Variants in STK32B observed in about 807,000 individuals in gnomAD.
STK32B encodes the protein serine/threonine kinase 32B.
STK32B carries 43 observed loss-of-function variants against 52.6 expected under a neutral mutation model. The ratio of observed to expected loss-of-function variants is 0.82; its 90% CI spans 0.64 to 1.05. The LOEUF (loss-of-function observed/expected upper bound fraction) is 1.05. Among genes scored for constraint, STK32B ranks in the 50% least tolerant of loss-of-function variants. STK32B has a pLI of 0.00. For synonymous variants in STK32B, 238 were observed against 204.3 expected (o/e 1.17, Z -1.41); for missense variants, 621 against 534.6 (o/e 1.16, Z -1.59).
At chr4:5,252,503 AGAT>A (rs1275369576) in intron 3 of STK32B, among the ~76,000 whole-genome samples, 2 of 152,218 alleles carry the variant, frequency 1.3e-5, no homozygotes, top group Non-Finnish European at 2.9e-5. Flanking sequence ...CTGGGAAGGC[AGAT>A]GATGAGTGGC....
At chr4:5,325,995 G>T (rs1368229230) in intron 3 of STK32B, among the ~76,000 whole-genome samples, 4 of 152,184 alleles carry the variant, frequency 2.6e-5, no homozygotes, top group Admixed American at 6.6e-5. Context: ...ATGTGGATCT[G>T]CAGCAAGAAA....
intron 6 of STK32B, among the ~76,000 whole-genome samples, chr4:5,445,612 C>T (rs1715329853): frequency 6.6e-6 from 1 of 152,240 alleles, no homozygotes; most frequent in Middle Eastern, 3.4e-3. Flanking sequence ...GAATAAGGGT[C>T]CACCACTCTT....
chr4:5,441,242 T>C (rs1366718185), intron 6 of STK32B, among the ~76,000 whole-genome samples: 2 of 151,870 alleles, frequency 1.3e-5, no homozygotes, highest in Admixed American at 1.3e-4. Context: ...TCCTGGACTC[T>C]TTTTGGTTGG....
chr4:5,480,332 A>G (rs1577573103), intron 11 of STK32B, among the ~76,000 whole-genome samples: 2 of 152,212 alleles, frequency 1.3e-5, no homozygotes, highest in African/African-American at 2.4e-5. Context: ...ATATGTGCCC[A>G]AGGTGGTCGG....
intron 1 of STK32B, among the ~76,000 whole-genome samples, chr4:5,062,260 A>G (rs1742244176): frequency 6.6e-6 from 1 of 152,132 alleles, no homozygotes; most frequent in African/African-American, 2.4e-5. Context: ...TCAAATCACT[A>G]CATCTAACTT....
At chr4:5,495,268 T>C (rs572720873) in intron 11 of STK32B, among the ~76,000 whole-genome samples, 5 of 152,256 alleles carry the variant, frequency 3.3e-5, no homozygotes, top group African/African-American at 9.6e-5. Flanking sequence ...GGAGGCTTTG[T>C]TCGTTTCTTT....
Position 5,428,288 on chromosome 4 carries a change from G to T in STK32B, c.562+11354G>T, listed in dbSNP as rs768930525. On this transcript the variant is annotated intron_variant, in intron 6 of 11. Transcript: ENST00000282908. ...CCAGGCATAGTGGTGGGTGCCTGTA[G>T]TCCCAACTACTCGGGAGGCTGAGGC... Among the ~76,000 whole-genome samples the T allele has an allele frequency of 1.4e-4, 21 of 152,014 alleles. 1 individual carries two copies. The highest frequency in any genetic ancestry group is 3.4e-3 in the Middle Eastern group (1 of 294).
chr4:5,316,854 ATATATAT>A (rs1335365404), intron 3 of STK32B, among the ~76,000 whole-genome samples: 395 of 8,750 alleles, frequency 0.045, 31 homozygotes, highest in Middle Eastern at 0.2. Flanking sequence ...ATAATATATT[ATATATAT>A]TATATATTAT....
At chr4:5,363,110 A>G (rs1033049992) in intron 4 of STK32B, among the ~76,000 whole-genome samples, 1 of 152,164 alleles carries the variant, frequency 6.6e-6, no homozygotes, top group Admixed American at 6.5e-5. Context: ...TTTCTGTCCC[A>G]TGTTCTCATC....
intron 11 of STK32B, among the ~76,000 whole-genome samples, chr4:5,473,837 G>A (rs968614735): frequency 1.3e-5 from 2 of 152,152 alleles, no homozygotes; most frequent in Non-Finnish European, 2.9e-5. Flanking sequence ...TTTAAAGACC[G>A]GACACGGTGG....
rs1553871689 is a variant in STK32B at position 5,317,236 on chromosome 4, T to TATAAC, written c.261-13981_261-13980insACATA. Among the ~76,000 whole-genome samples the TATAAC allele has an allele frequency of 2.8e-4, 16 of 56,626 alleles. 1 individual carries two copies. The highest frequency in any genetic ancestry group is 2.0e-3 in the African/African-American group (11 of 5,590). 37.1% of individuals were successfully genotyped at this position (56,626 alleles called of 152,430 possible). A position where few individuals can be genotyped will look rare whatever the true frequency, so the allele number is the denominator to read the frequency against. On this transcript the variant is annotated intron_variant, in intron 3 of 11. Transcript: ENST00000282908. ...TAACATATATATATTATATATAACATATATATATTATATATAACATATAAC... is the reference window on the plus strand; with the variant it reads ...TAACATATATATATTATATATAACATATAACATATATATTATATATAACATATAAC...
At chr4:5,029,083 C>T in the STK32B span, among the ~76,000 whole-genome samples, 1 of 152,126 alleles carries the variant, frequency 6.6e-6, no homozygotes, top group Non-Finnish European at 1.5e-5. Context: ...CCCCATGATC[C>T]AATCACCTTC....
intron 4 of STK32B, among the ~76,000 whole-genome samples, chr4:5,332,265 C>G (rs961489659): frequency 6.6e-6 from 1 of 152,014 alleles, no homozygotes; most frequent in Non-Finnish European, 1.5e-5. Context: ...GGACTACAGT[C>G]AAAACATGGG....
chr4:5,107,231 A>T (rs887713932), intron 1 of STK32B, among the ~76,000 whole-genome samples: 3 of 151,950 alleles, frequency 2.0e-5, no homozygotes, highest in Non-Finnish European at 4.4e-5. Context: ...ATGATCTGTC[A>T]CTGTCTCCCA....
intron 3 of STK32B, among the ~76,000 whole-genome samples, chr4:5,271,896 G>C (rs1208101052): frequency 4.0e-4 from 56 of 141,674 alleles, no homozygotes; most frequent in African/African-American, 1.5e-3. Flanking sequence ...AGCTTAAGGA[G>C]ATATTGGGCT....
At chr4:5,497,398 G>A (rs540329264) in intron 11 of STK32B, among the ~76,000 whole-genome samples, 1 of 152,318 alleles carries the variant, frequency 6.6e-6, no homozygotes, top group African/African-American at 2.4e-5. Flanking sequence ...AGGGTAAGAG[G>A]AAATATCCCA....
At chr4:5,116,070 A>T (rs1714697240) in intron 1 of STK32B, among the ~76,000 whole-genome samples, 1 of 152,022 alleles carries the variant, frequency 6.6e-6, no homozygotes. Flanking sequence ...CTCAGACTAG[A>T]GAGGGTGAGT....
intron 11 of STK32B, among the ~76,000 whole-genome samples, chr4:5,472,273 C>T (rs1046094654): frequency 2.6e-5 from 4 of 152,188 alleles, no homozygotes; most frequent in Non-Finnish European, 5.9e-5. Context: ...CGGTGTGTGC[C>T]GTGAATCAGA....
At chr4:5,456,409 G>A (rs574630428) in intron 7 of STK32B, among the ~76,000 whole-genome samples, 2 of 152,380 alleles carry the variant, frequency 1.3e-5, no homozygotes, top group South Asian at 2.1e-4. Flanking sequence ...GGCGGCCAAG[G>A]CCCAGCAAGT....
Sources: gnomAD v4.1 joint callset for allele counts (sites outside exome capture counted in the v4.1 genomes callset) on GRCh38, gnomAD v4.1.1 for gene constraint, MANE v1.5 for transcripts, NCBI Gene and HGNC (gene_info 2026-07-23, HGNC 2026-07-21) for gene names.